Variants in DHRS7C observed in about 807,000 individuals in gnomAD.
DHRS7C encodes dehydrogenase/reductase 7C.
In DHRS7C, 28 loss-of-function variants were observed where a neutral mutation model predicts 29.6. The ratio of observed to expected loss-of-function variants is 0.95; its 90% CI spans 0.70 to 1.30. The LOEUF (loss-of-function observed/expected upper bound fraction) is 1.30, where lower values mean the gene tolerates loss of function less well. DHRS7C is among the 50% of genes most tolerant of loss of function. DHRS7C has a pLI of 0.00. For synonymous variants in DHRS7C, 158 were observed against 160.2 expected (o/e 0.99, Z 0.10); for missense variants, 403 against 393.3 (o/e 1.02, Z -0.21).
At chr17:9,780,915 G>C (rs2066389587) in intron 2 of DHRS7C, among the ~76,000 whole-genome samples, 1 of 152,170 alleles carries the variant, frequency 6.6e-6, no homozygotes, top group African/African-American at 2.4e-5. Flanking sequence ...TGTCCTGTTT[G>C]ATTCATCTCC....
At chr17:9,788,718 G>A (rs1019661638) in intron 1 of DHRS7C, among the ~76,000 whole-genome samples, 8 of 152,134 alleles carry the variant, frequency 5.3e-5, no homozygotes, top group Admixed American at 1.3e-4. Flanking sequence ...GGTGTGCAGC[G>A]GCTGTGCACA....
chr17:9,790,549 G>T (rs374953790), intron 1 of DHRS7C, among the ~76,000 whole-genome samples: 1 of 152,204 alleles, frequency 6.6e-6, no homozygotes, highest in Non-Finnish European at 1.5e-5. Context: ...GCCCACTAGC[G>T]TGGGCATGTT....
intron 2 of DHRS7C, 46 bp downstream of exon 2, chr17:9,781,436 T>G: frequency 1.3e-6 from 2 of 1,572,664 alleles, no homozygotes; most frequent in Non-Finnish European, 1.7e-6. Context: ...CAATGGAGGC[T>G]GGGAGTTCCC....
At chr17:9,787,107 A>C (rs968950079) in intron 1 of DHRS7C, among the ~76,000 whole-genome samples, 124 of 152,122 alleles carry the variant, frequency 8.2e-4, no homozygotes, top group African/African-American at 2.6e-3. Context: ...CATCATGCCC[A>C]GCTAATTTTT....
At chr17:9,786,045 G>A (rs967302004) in intron 1 of DHRS7C, among the ~76,000 whole-genome samples, 7 of 152,030 alleles carry the variant, frequency 4.6e-5, no homozygotes, top group Admixed American at 2.6e-4. Context: ...ATCAGAGGCC[G>A]GGTGCGGTGG....
intron 5 of DHRS7C, 111 bp from the exon 6 acceptor site, chr17:9,771,807 A>C (rs2066330656): frequency 8.8e-7 from 1 of 1,138,936 alleles, no homozygotes; most frequent in Admixed American, 4.1e-5. Flanking sequence ...CTGTCCCCGG[A>C]GTCACAGGTT....
intron 1 of DHRS7C, among the ~76,000 whole-genome samples, chr17:9,782,567 G>A (rs1173079744): frequency 6.6e-6 from 1 of 152,224 alleles, no homozygotes; most frequent in Non-Finnish European, 1.5e-5. Flanking sequence ...CTCTGGGGGT[G>A]CGTGCATAGG....
At chr17:9,791,080 G>T in intron 1 of DHRS7C, 51 bp downstream of exon 1, 2 of 1,563,530 alleles carry the variant, frequency 1.3e-6, no homozygotes, top group Middle Eastern at 1.7e-4. Flanking sequence ...CTGCCATCCT[G>T]CCAGTCCCTG....
intron 3 of DHRS7C, among the ~76,000 whole-genome samples, chr17:9,779,098 C>T (rs139662750): frequency 1.2e-4 from 19 of 152,184 alleles, no homozygotes; most frequent in Middle Eastern, 6.8e-3. Context: ...TTAGTAGAGA[C>T]GGGGTTTCAC....
intron 3 of DHRS7C, 80 bp from the exon 4 acceptor site, chr17:9,777,365 T>C: frequency 8.6e-7 from 1 of 1,163,480 alleles, no homozygotes; most frequent in Admixed American, 2.1e-5. Context: ...CTGCCCCCGG[T>C]ACCCTCATCA....
chr17:9,772,639 G>T, intron 5 of DHRS7C, 128 bp downstream of exon 5: 1 of 1,262,290 alleles, frequency 7.9e-7, no homozygotes, highest in Non-Finnish European at 1.1e-6. Flanking sequence ...GGGGGTTGCT[G>T]AGCCTCCTCC....
intron 5 of DHRS7C, among the ~76,000 whole-genome samples, 167 bp from the exon 6 acceptor site, chr17:9,771,863 C>T (rs549134405): frequency 7.9e-5 from 12 of 152,220 alleles, no homozygotes; most frequent in Non-Finnish European, 1.6e-4. Flanking sequence ...CAGCGGGAGA[C>T]ACTCCACTCT....
intron 1 of DHRS7C, among the ~76,000 whole-genome samples, chr17:9,790,346 G>A (rs1183371436): frequency 6.6e-6 from 1 of 152,340 alleles, no homozygotes; most frequent in African/African-American, 2.4e-5. Flanking sequence ...CCATTGTCTG[G>A]AAGGATAGAG....
Position 9,772,834 on chromosome 17 carries a change from G to A in DHRS7C, c.660C>T (p.Ser220=). The A allele has an allele frequency of 6.2e-7, 1 of 1,613,978 alleles. No homozygotes were observed. Among genetic ancestry groups the A allele is most frequent in the Non-Finnish European group, 8.5e-7 (1 of 1,179,890 alleles). Reference sequence around the variant, plus strand: ...CGTGGTACGACCGGATGAAAGTCGGGCTCACGGTGCTGATGACAACATCGT... The same window carrying A: ...CGTGGTACGACCGGATGAAAGTCGGACTCACGGTGCTGATGACAACATCGT... The part of the protein sequence containing the change: ...EEYDVVISTV[S]PTFIRSYHVY... Residue 220 remains serine (S), a synonymous_variant, in exon 5 of 6, where the codon AGC becomes AGT. Coordinates refer to ENST00000571134, the MANE Select transcript of DHRS7C (RefSeq NM_001105571.3).
At chr17:9,772,950 C>G in intron 4 of DHRS7C, 28 bp from the exon 5 acceptor site, 3 of 1,610,760 alleles carry the variant, frequency 1.9e-6, no homozygotes, top group Non-Finnish European at 2.5e-6. Flanking sequence ...CGGAGGTGGG[C>G]GCAGGACACT....
chr17:9,783,934 CTGTTTTTTTTTTGTTTTTT>C (rs1166672438), intron 1 of DHRS7C, among the ~76,000 whole-genome samples: 5 of 100,954 alleles, frequency 5.0e-5, no homozygotes, highest in Non-Finnish European at 5.1e-5. Flanking sequence ...GAGTGAGACT[CTGTTTTTTTTTTGTTTTTT>C]TGTTTTTTTT....
At chr17:9,781,159 TA>T (rs60999831) in intron 2 of DHRS7C, among the ~76,000 whole-genome samples, 2 of 151,190 alleles carry the variant, frequency 1.3e-5, no homozygotes, top group Admixed American at 6.6e-5. Context: ...TTCAGGTATT[TA>T]AAAAAAAATG....
In DHRS7C at chr17:9,791,364, G is replaced by A. The variant is rs2066454532; in HGVS notation, c.-80C>T. On this transcript the variant is annotated 5_prime_UTR_variant, in exon 1 of 6. Transcript: ENST00000571134. ...ATCAGGACTCCCAGGGCAGGGGGAG[G>A]CCCAAGGCTGCAGGGAGCTCAGCTC... 1 of 1,515,050 alleles carries A rather than the reference G, an allele frequency of 6.6e-7. No homozygotes were observed. Among genetic ancestry groups the A allele is most frequent in the Non-Finnish European group, 8.9e-7 (1 of 1,119,084 alleles). 93.9% of individuals were successfully genotyped at this position (1,515,050 alleles called of 1,614,324 possible).
At chr17:9,781,381 T>G in intron 2 of DHRS7C, 101 bp downstream of exon 2, 1 of 1,056,388 alleles carries the variant, frequency 9.5e-7, no homozygotes, top group Non-Finnish European at 1.4e-6. Flanking sequence ...CCCAGAGCAA[T>G]CACCAAGTTT....
Sources: allele counts gnomAD v4.1 joint callset (sites outside exome capture counted in the v4.1 genomes callset), GRCh38; gene constraint gnomAD v4.1.1; transcripts MANE v1.5; gene names NCBI Gene and HGNC (gene_info 2026-07-23, HGNC 2026-07-21).